PDE11A: variants seen among roughly 807,000 people sequenced by gnomAD.
PDE11A encodes the protein dual 3',5'-cyclic-AMP and -GMP phosphodiesterase 11A.
PDE11A carries 100 observed loss-of-function variants against 100.5 expected under a neutral mutation model. The observed-to-expected ratio is 1.00, with a 90% CI of 0.85 to 1.18. The LOEUF (loss-of-function observed/expected upper bound fraction) is 1.18. Ranked by LOEUF, PDE11A falls within the 50% of genes most tolerant of loss-of-function variation. The probability of loss-of-function intolerance (pLI) is 0.00; values close to 1 mark genes in which losing one functional copy is unlikely to be tolerated. For synonymous variants in PDE11A, 381 were observed against 420.8 expected, an observed-to-expected ratio of 0.91 and a Z score of 1.16; for missense variants, 1,141 against 1,152.6, an observed-to-expected ratio of 0.99 and a Z score of 0.15.
At chr2:177,721,156 G>A (rs1466881907) in intron 12 of PDE11A, among the ~76,000 whole-genome samples, 2 of 151,824 alleles carry the variant, frequency 1.3e-5, no homozygotes, top group African/African-American at 2.4e-5. Flanking sequence ...CTTTATTTTG[G>A]AGAGTTAAAA....
chr2:177,850,939 G>T (rs2083689626), intron 5 of PDE11A, among the ~76,000 whole-genome samples: 1 of 152,236 alleles, frequency 6.6e-6, no homozygotes, highest in Non-Finnish European at 1.5e-5. Context: ...CTGTTGGAGG[G>T]ACTGTAAACT....
At chr2:178,089,382 G>T (rs767427300) in intron 2 of PDE11A, among the ~76,000 whole-genome samples, 1 of 152,172 alleles carries the variant, frequency 6.6e-6, no homozygotes, top group Non-Finnish European at 1.5e-5. Context: ...ATACAACAAG[G>T]TCAAGTGGAG....
chr2:177,945,504 G>A (rs528097175), intron 2 of PDE11A, among the ~76,000 whole-genome samples: 12 of 146,494 alleles, frequency 8.2e-5, no homozygotes, highest in African/African-American at 1.3e-4. Context: ...GCCTCTGCCC[G>A]GCCGAGACCC....
intron 19 of PDE11A, among the ~76,000 whole-genome samples, chr2:177,655,633 G>T (rs531301082): frequency 6.6e-6 from 1 of 151,996 alleles, no homozygotes; most frequent in South Asian, 2.1e-4. Flanking sequence ...CGAACTCCTG[G>T]GCTCAAGCAA....
rs2080867263 is a variant in PDE11A, at chr2:177,681,669, C to T, written c.2346-766G>A. On this transcript the variant is annotated intron_variant, in intron 15 of 19. Coordinates refer to ENST00000286063, the MANE Select transcript of PDE11A (RefSeq NM_016953.4). ...CAAATAAATGGCCTTCTGCTCTTGG[C>T]CAAGGGCATTCCTAAATTAACCTGA... 1.3e-5 allele frequency among the ~76,000 whole-genome samples: 2 copies of T among 152,174 alleles called. 1 individual carries two copies. Among genetic ancestry groups the T allele is most frequent in the Non-Finnish European group, 2.9e-5 (2 of 68,030 alleles).
chr2:177,693,868 T>G (rs1351742070), intron 15 of PDE11A, among the ~76,000 whole-genome samples: 1 of 152,182 alleles, frequency 6.6e-6, no homozygotes, highest in Non-Finnish European at 1.5e-5. Flanking sequence ...ATTTCTAAGA[T>G]CCTTCCGATT....
chr2:177,971,124 T>C (rs1447514587), intron 2 of PDE11A, among the ~76,000 whole-genome samples: 2 of 152,200 alleles, frequency 1.3e-5, no homozygotes, highest in East Asian at 3.8e-4. Context: ...ACCCTACCTC[T>C]TCATGTTCCA....
intron 2 of PDE11A, among the ~76,000 whole-genome samples, chr2:177,992,606 A>T (rs970538474): frequency 1.3e-5 from 2 of 152,182 alleles, no homozygotes; most frequent in African/African-American, 2.4e-5. Flanking sequence ...TTTATTCTTA[A>T]ACCCTTGTGT....
intron 3 of PDE11A, among the ~76,000 whole-genome samples, chr2:177,900,363 T>G (rs1479395711): frequency 6.6e-6 from 1 of 152,254 alleles, no homozygotes; most frequent in Non-Finnish European, 1.5e-5. Context: ...GATCATCATC[T>G]CAGGGACATG....
chr2:178,053,945 G>A (rs1048793549), intron 1 of PDE11A, among the ~76,000 whole-genome samples: 6 of 152,102 alleles, frequency 3.9e-5, no homozygotes, highest in Non-Finnish European at 8.8e-5. Flanking sequence ...CCAAAGTAAT[G>A]TATAGAGTCA....
chr2:178,006,727 T>C lies in PDE11A; in HGVS notation c.1071+7575A>G, dbSNP rs375577941. Among the ~76,000 whole-genome samples the C allele has an allele frequency of 6.8e-4, 103 of 152,078 alleles. 2 individuals carry two copies. The highest frequency in any genetic ancestry group is 2.2e-3 in the African/African-American group (93 of 41,458). On this transcript the variant is annotated intron_variant, in intron 2 of 19. Coordinates refer to ENST00000286063, the MANE Select transcript of PDE11A (RefSeq NM_016953.4). ...ATGTCAATGTATAACAACTAAATAA[T>C]TGAATGGGATTAAATTAAAAATAAA...
chr2:177,676,677 T>C lies in PDE11A; in HGVS notation c.2424-1159A>G, dbSNP rs897620545. On this transcript the variant is annotated intron_variant, in intron 16 of 19. Transcript: ENST00000286063. ...TGAAACCTCTAATTCCAAACATCCC[T>C]GTGTTAAGAACTACGCAAAGGGAGA... is the stretch of plus-strand genomic sequence containing the variant. 2.6e-5 allele frequency among the ~76,000 whole-genome samples: 4 copies of C among 152,338 alleles called. No homozygotes were observed. In the South Asian group the frequency reaches 6.2e-4, roughly 24 times the overall value.
At chr2:177,649,679 A>T (rs2105458391) in intron 19 of PDE11A, among the ~76,000 whole-genome samples, 1 of 152,334 alleles carries the variant, frequency 6.6e-6, no homozygotes, top group East Asian at 1.9e-4. Context: ...GTGTAAAAAC[A>T]CACTGTATAT....
At chr2:177,825,633 C>T (rs369562972) in intron 6 of PDE11A, among the ~76,000 whole-genome samples, 1 of 152,172 alleles carries the variant, frequency 6.6e-6, no homozygotes, top group South Asian at 2.1e-4. Context: ...GGATGTCTAA[C>T]GAATAAATTC....
chr2:177,679,048 C>G (rs73042842), intron 16 of PDE11A, among the ~76,000 whole-genome samples: 7,576 of 143,350 alleles, frequency 0.053, 630 homozygotes, highest in African/African-American at 0.2. Context: ...AATCCAGAAG[C>G]GTATATGGCT....
chr2:177,769,759 T>A (rs2082286139), intron 9 of PDE11A, among the ~76,000 whole-genome samples: 2 of 151,798 alleles, frequency 1.3e-5, no homozygotes, highest in South Asian at 4.2e-4. Context: ...TGGTGGTGTG[T>A]GTCTGTAGTC....
chr2:177,802,112 T>C (rs1223875941), intron 9 of PDE11A, among the ~76,000 whole-genome samples: 1 of 151,308 alleles, frequency 6.6e-6, no homozygotes, highest in Non-Finnish European at 1.5e-5. Flanking sequence ...AGAAAAAGAG[T>C]ACAACATTTT....
At chr2:177,663,834 C>A in intron 19 of PDE11A, 32 bp downstream of exon 19, 1 of 1,198,146 alleles carries the variant, frequency 8.3e-7, no homozygotes, top group South Asian at 1.2e-5. Context: ...CTGATTCAGT[C>A]AGAACATGTA....
chr2:177,763,802 C>T (rs2082201801), intron 10 of PDE11A, among the ~76,000 whole-genome samples: 1 of 152,208 alleles, frequency 6.6e-6, no homozygotes, highest in South Asian at 2.1e-4. Context: ...AAATTGATTG[C>T]ACAGGGCGGT....
Sources: allele counts gnomAD v4.1 joint callset (sites outside exome capture counted in the v4.1 genomes callset), GRCh38; gene constraint gnomAD v4.1.1; transcripts MANE v1.5; gene names NCBI Gene and HGNC (gene_info 2026-07-23, HGNC 2026-07-21).